Variants in PPHLN1 observed in about 807,000 individuals in gnomAD.
The protein encoded by PPHLN1 is periphilin-1.
A neutral mutation model predicts 51.3 loss-of-function variants in PPHLN1; 29 were observed. The observed-to-expected ratio is 0.57, with a 90% CI of 0.42 to 0.77. The LOEUF (loss-of-function observed/expected upper bound fraction) is 0.77, where lower values mean the gene tolerates loss of function less well. Among genes scored for constraint, PPHLN1 ranks in the 30% least tolerant of loss-of-function variants. PPHLN1 has a pLI of 0.00. For synonymous variants in PPHLN1, 147 were observed against 147.8 expected (o/e 0.99, Z 0.04); for missense variants, 436 against 438.4 (o/e 0.99, Z 0.05).
intron 4 of PPHLN1, 22 bp from the exon 5 acceptor site, chr12:42,374,841 T>G: frequency 6.5e-7 from 1 of 1,527,190 alleles, no homozygotes; most frequent in African/African-American, 1.5e-5. Flanking sequence ...TAACTTATTT[T>G]ATGTTTTTTT....
intron 4 of PPHLN1, among the ~76,000 whole-genome samples, chr12:42,366,508 T>A (rs2075288205): frequency 2.0e-5 from 3 of 152,212 alleles, no homozygotes; most frequent in Admixed American, 2.0e-4. Flanking sequence ...ATTACAGGTG[T>A]GAGCCTGCAC....
rs1360581711 is a variant in PPHLN1 at position 42,374,428 on chromosome 12, C to G, written c.300-435C>G. ...GTTAGGTAGTGATAGAAAAAGAGAA[C>G]CAAGAGTACAAATTTTTTTTTCTTT... On this transcript the variant is annotated intron_variant, in intron 4 of 9. Coordinates refer to ENST00000358314, the MANE Select transcript of PPHLN1 (RefSeq NM_201439.2). Among the ~76,000 whole-genome samples, 3 of 113,484 alleles carry G rather than the reference C, an allele frequency of 2.6e-5. No homozygotes were observed. In the South Asian group the frequency reaches 1.1e-3, roughly 41 times the overall value. 74.4% of individuals were successfully genotyped at this position (113,484 alleles called of 152,430 possible). A position where few individuals can be genotyped will look rare whatever the true frequency, so the allele number is the denominator to read the frequency against.
In PPHLN1 at chr12:42,384,181, T is replaced by C. The variant is rs936538891; in HGVS notation, c.512-759T>C. ...GATGGCAATATTTTCATGATGTTTC[T>C]TGAAACATTTTAAGGCAAGATGCTG... On this transcript the variant is annotated intron_variant, in intron 5 of 9. Coordinates refer to ENST00000358314, the MANE Select transcript of PPHLN1 (RefSeq NM_201439.2). Among the ~76,000 whole-genome samples the C allele has an allele frequency of 3.6e-4, 54 of 151,978 alleles. 1 individual carries two copies. The highest frequency in any genetic ancestry group is 7.4e-5 in the Non-Finnish European group (5 of 67,980).
chr12:42,406,193 C>T (rs1431106061), intron 9 of PPHLN1, among the ~76,000 whole-genome samples: 2 of 151,056 alleles, frequency 1.3e-5, no homozygotes, highest in African/African-American at 4.9e-5. Context: ...ATGCCATTCT[C>T]CTGCCTCAGC....
intron 4 of PPHLN1, among the ~76,000 whole-genome samples, chr12:42,371,142 A>C: frequency 8.5e-6 from 1 of 118,152 alleles, no homozygotes; most frequent in South Asian, 2.9e-4. Flanking sequence ...TTTTTTTGAG[A>C]CAGAGTCTTG....
At chr12:42,367,615 TA>T (rs1217945164) in intron 4 of PPHLN1, among the ~76,000 whole-genome samples, 15 of 152,348 alleles carry the variant, frequency 9.8e-5, no homozygotes, top group African/African-American at 2.9e-4. Context: ...AGTGAGGTGA[TA>T]TTTTTCGTCT....
chr12:42,432,038 A>G, intron 9 of PPHLN1: 3 of 1,552,558 alleles, frequency 1.9e-6, no homozygotes, highest in South Asian at 2.2e-5. Flanking sequence ...CTTTGGGCAC[A>G]GAACTGATGG....
At chr12:42,365,471 C>T (rs1592430618) in intron 4 of PPHLN1, among the ~76,000 whole-genome samples, 2 of 152,266 alleles carry the variant, frequency 1.3e-5, no homozygotes, top group East Asian at 3.9e-4. Flanking sequence ...AACCGGTGAA[C>T]ATATGTCTGC....
intron 9 of PPHLN1, among the ~76,000 whole-genome samples, chr12:42,435,600 A>G (rs762540688): frequency 6.6e-5 from 10 of 152,214 alleles, no homozygotes; most frequent in Non-Finnish European, 1.3e-4. Flanking sequence ...TCCTGGCCTC[A>G]TCAACACATT....
chr12:42,382,424 T>C (rs894396012), intron 5 of PPHLN1, among the ~76,000 whole-genome samples: 2 of 152,160 alleles, frequency 1.3e-5, no homozygotes, highest in African/African-American at 2.4e-5. Flanking sequence ...TCCTTCCTAA[T>C]GTGGAACCCA....
At chr12:42,406,605 T>C (rs1355230286) in intron 9 of PPHLN1, among the ~76,000 whole-genome samples, 3 of 152,194 alleles carry the variant, frequency 2.0e-5, no homozygotes, top group African/African-American at 7.2e-5. Context: ...GAAATTCTTG[T>C]CCATTTTTCT....
intron 9 of PPHLN1, among the ~76,000 whole-genome samples, chr12:42,403,455 C>T (rs1385275835): frequency 6.6e-6 from 1 of 152,122 alleles, no homozygotes; most frequent in Non-Finnish European, 1.5e-5. Context: ...ACTGCAGAAG[C>T]TTGTTGAAGT....
downstream of PPHLN1, chr12:42,446,637 C>G: frequency 6.2e-7 from 1 of 1,612,908 alleles, no homozygotes; most frequent in Non-Finnish European, 8.5e-7. Flanking sequence ...CCTGACAAAA[C>G]TGTTGCTGCA....
At chr12:42,340,979 C>CT (rs2071398748) in intron 2 of PPHLN1, among the ~76,000 whole-genome samples, 2 of 143,524 alleles carry the variant, frequency 1.4e-5, no homozygotes, top group South Asian at 4.3e-4. Context: ...TTCTTTCTTT[C>CT]TTTCTTTTTT....
At chr12:42,447,281 TGTA>T (rs1188655967), downstream of PPHLN1, 1 of 152,258 alleles carries the variant, frequency 6.6e-6, no homozygotes, top group Non-Finnish European at 1.5e-5. Context: ...ACAAGATGAT[TGTA>T]ACATGTCCAT....
intron 4 of PPHLN1, among the ~76,000 whole-genome samples, chr12:42,359,982 C>T (rs945972613): frequency 2.6e-5 from 4 of 151,906 alleles, no homozygotes; most frequent in Admixed American, 1.3e-4. Context: ...GTGGCAAACA[C>T]CTGTAGTCCC....
intron 5 of PPHLN1, among the ~76,000 whole-genome samples, chr12:42,378,090 C>CTCTTTCTT (rs57255344): frequency 6.9e-4 from 97 of 140,914 alleles, no homozygotes; most frequent in Non-Finnish European, 8.0e-4. Context: ...ATCTATCTTT[C>CTCTTTCTT]TCTTTCTTTC....
chr12:42,442,601 C>T (rs1411410868), downstream of PPHLN1: 1 of 1,612,492 alleles, frequency 6.2e-7, no homozygotes, highest in Admixed American at 1.7e-5. Flanking sequence ...ACACAAAATA[C>T]CTGCGTCTGA....
At chr12:42,371,285 A>G (rs1189107811) in intron 4 of PPHLN1, among the ~76,000 whole-genome samples, 2 of 151,536 alleles carry the variant, frequency 1.3e-5, no homozygotes, top group South Asian at 2.1e-4. Flanking sequence ...TCGCTCAGCT[A>G]TTTTTTAATT....
Sources: allele counts gnomAD v4.1 joint callset (sites outside exome capture counted in the v4.1 genomes callset), GRCh38; gene constraint gnomAD v4.1.1; transcripts MANE v1.5; gene names NCBI Gene and HGNC (gene_info 2026-07-23, HGNC 2026-07-21).